Variants in FAM53B observed in about 807,000 individuals in gnomAD.
FAM53B encodes protein FAM53B.
A neutral mutation model predicts 32.7 loss-of-function variants in FAM53B; 12 were observed. The ratio of observed to expected loss-of-function variants is 0.37; its 90% confidence interval spans 0.24 to 0.59. The LOEUF (loss-of-function observed/expected upper bound fraction) is 0.59. Among genes scored for constraint, FAM53B ranks in the 20% least tolerant of loss-of-function variants. The pLI is 0.72. For synonymous variants in FAM53B, 234 were observed against 228.7 expected (o/e 1.02, Z -0.21); for missense variants, 477 against 577.7 (o/e 0.83, Z 1.79).
Position 124,677,908 on chromosome 10 carries a change from G to A in FAM53B, c.906+3699C>T, listed in dbSNP as rs1031606595. 7.9e-5 allele frequency among the ~76,000 whole-genome samples: 12 copies of A among 152,168 alleles called. No individual in the cohort carries two copies. The East Asian group carries it at 1.5e-3, about 19-fold the overall frequency. On this transcript the variant is annotated intron_variant, in intron 4 of 4. Transcript: ENST00000337318. ...ACACACGGCGAACTCCCTCTGACAAGGGGGGGTGAATCCAATTGTCACCAT... is the reference window on the plus strand; with the variant it reads ...ACACACGGCGAACTCCCTCTGACAAAGGGGGGTGAATCCAATTGTCACCAT...
In FAM53B at chr10:124,667,957, G is replaced by C. The variant is rs539824050; in HGVS notation, c.906+13650C>G. On this transcript the variant is annotated intron_variant, in intron 4 of 4. Coordinates refer to ENST00000337318, the MANE Select transcript of FAM53B (RefSeq NM_014661.4). ...CCAGGGAGGGGCAGCGACTTGCTCA[G>C]GGCTACTCGGCTGGTGAGGGGCACA... 2.6e-5 allele frequency among the ~76,000 whole-genome samples: 4 copies of C among 152,270 alleles called. No individual in the cohort carries two copies. The East Asian group carries it at 7.7e-4, about 29-fold the overall frequency.
At chr10:124,631,844 T>C (rs2134038744) in intron 4 of FAM53B, among the ~76,000 whole-genome samples, 1 of 152,292 alleles carries the variant, frequency 6.6e-6, no homozygotes, top group Admixed American at 6.5e-5. Context: ...AACCCGCCTC[T>C]GCAGCAGCCA....
At chr10:124,735,094 C>G (rs1022907837) in intron 1 of FAM53B, among the ~76,000 whole-genome samples, 2 of 152,200 alleles carry the variant, frequency 1.3e-5, no homozygotes, top group African/African-American at 4.8e-5. Flanking sequence ...CCGGAAGACG[C>G]TGACTCCAGG....
chr10:124,709,264 G>A (rs577754504), intron 1 of FAM53B, among the ~76,000 whole-genome samples: 12 of 152,242 alleles, frequency 7.9e-5, no homozygotes, highest in Admixed American at 2.6e-4. Context: ...TGAAACTGTG[G>A]AAGTCTGTCG....
intron 4 of FAM53B, among the ~76,000 whole-genome samples, chr10:124,661,627 AC>A (rs1313527303): frequency 6.6e-6 from 1 of 152,090 alleles, no homozygotes; most frequent in Non-Finnish European, 1.5e-5. Flanking sequence ...GAGGGAAGGG[AC>A]CTTTTACTGT....
rs997985363 is a variant in FAM53B, at chr10:124,622,633, C to T, written c.*609G>A. On this transcript the variant is annotated 3_prime_UTR_variant, in exon 5 of 5. Transcript: ENST00000337318. ...TACCCTCTGGAGGGCCAGTCCAGCA[C>T]CCCAGGGATTCTGTCTCTCACATTG... 1.3e-5 allele frequency: 2 copies of T among 152,550 alleles called. No individual in the cohort carries two copies. Among genetic ancestry groups the T allele is most frequent in the African/African-American group, 4.8e-5 (2 of 41,472 alleles). 9.4% of individuals were successfully genotyped at this position (152,550 alleles called of 1,614,324 possible).
At chr10:124,657,755 C>T (rs1444182745) in intron 4 of FAM53B, among the ~76,000 whole-genome samples, 1 of 152,170 alleles carries the variant, frequency 6.6e-6, no homozygotes. Flanking sequence ...TGCTGTTAGC[C>T]CTGAGCATGA....
rs147354977 is a variant in FAM53B, at chr10:124,695,763, A to G, written c.133+395T>C. Among the ~76,000 whole-genome samples, 82 of 152,364 alleles carry G rather than the reference A, an allele frequency of 5.4e-4. 1 individual carries two copies. In the East Asian group the frequency reaches 0.013, roughly 24 times the overall value. On this transcript the variant is annotated intron_variant, in intron 3 of 4. Transcript: ENST00000337318. Reference sequence around the variant, plus strand: ...CAAACAAATATAGTTTTACATAATTATATGTTCATCGTGGAATGGGCTATA... The same window carrying G: ...CAAACAAATATAGTTTTACATAATTGTATGTTCATCGTGGAATGGGCTATA...
At chr10:124,664,495 C>G (rs1243380583) in intron 4 of FAM53B, among the ~76,000 whole-genome samples, 1 of 152,240 alleles carries the variant, frequency 6.6e-6, no homozygotes, top group East Asian at 1.9e-4. Context: ...CACAATCTGC[C>G]TTTCTACCAG....
chr10:124,737,219 C>G (rs902585707), intron 1 of FAM53B, among the ~76,000 whole-genome samples: 1 of 152,236 alleles, frequency 6.6e-6, no homozygotes, highest in Non-Finnish European at 1.5e-5. Flanking sequence ...CTCCTCTTCT[C>G]CCTTCACTCG....
rs933357851 is a variant in FAM53B, at chr10:124,659,684, G to A, written c.906+21923C>T. Among the ~76,000 whole-genome samples, 8 of 152,230 alleles carry A rather than the reference G, an allele frequency of 5.3e-5. 1 individual carries two copies. The South Asian group carries it at 6.2e-4, about 12-fold the overall frequency. On this transcript the variant is annotated intron_variant, in intron 4 of 4. Coordinates refer to ENST00000337318, the MANE Select transcript of FAM53B (RefSeq NM_014661.4). ...AGAGTGGCTGCAAAACCACCTTGCCGGGCCAAGCTCCATTACCACAAGCTC... is the reference window on the plus strand; with the variant it reads ...AGAGTGGCTGCAAAACCACCTTGCCAGGCCAAGCTCCATTACCACAAGCTC...
chr10:124,657,755 C>A (rs1444182745), intron 4 of FAM53B, among the ~76,000 whole-genome samples: 2 of 152,170 alleles, frequency 1.3e-5, no homozygotes, highest in Non-Finnish European at 2.9e-5. Flanking sequence ...TGCTGTTAGC[C>A]CTGAGCATGA....
intron 4 of FAM53B, among the ~76,000 whole-genome samples, chr10:124,645,445 C>T (rs953516239): frequency 3.9e-5 from 6 of 152,232 alleles, no homozygotes; most frequent in Non-Finnish European, 5.9e-5. Context: ...GGGCCCACGC[C>T]GGCAGCATTC....
At chr10:124,691,518 C>T (rs1258224268) in intron 3 of FAM53B, among the ~76,000 whole-genome samples, 1 of 152,080 alleles carries the variant, frequency 6.6e-6, no homozygotes, top group East Asian at 1.9e-4. Context: ...TTTGTTCTGT[C>T]CATTGACTTG....
intron 4 of FAM53B, among the ~76,000 whole-genome samples, chr10:124,665,706 G>A (rs763306764): frequency 2.5e-4 from 38 of 152,292 alleles, no homozygotes; most frequent in Non-Finnish European, 4.4e-4. Context: ...CCCTTTCCAC[G>A]TTTCTAAGTG....
rs957819513 is a variant in FAM53B, at chr10:124,682,971, T to C, written c.134-592A>G. Among the ~76,000 whole-genome samples the C allele has an allele frequency of 3.8e-4, 58 of 152,240 alleles. No homozygotes were observed. The highest frequency in any genetic ancestry group is 1.4e-3 in the African/African-American group (58 of 41,468). ...TAATAGAAGCTGGAACTTGTACTGA[T>C]TTAGGTCACCTCCGTCAAAATGCTC... On this transcript the variant is annotated intron_variant, in intron 3 of 4. Coordinates refer to ENST00000337318, the MANE Select transcript of FAM53B (RefSeq NM_014661.4). The surrounding 1 kb of genome is among the most constrained non-coding windows in gnomAD (Gnocchi z 5.2).
intron 4 of FAM53B, among the ~76,000 whole-genome samples, chr10:124,626,112 G>A (rs1257883064): frequency 2.0e-5 from 3 of 152,268 alleles, no homozygotes; most frequent in Non-Finnish European, 2.9e-5. Flanking sequence ...GCCCGAACGC[G>A]TGCCAGCGTT....
At chr10:124,633,545 G>A (rs559396060) in intron 4 of FAM53B, among the ~76,000 whole-genome samples, 139 of 152,286 alleles carry the variant, frequency 9.1e-4, no homozygotes, top group African/African-American at 3.2e-3. Flanking sequence ...CATATAATAT[G>A]CCAAAACACA....
Position 124,651,681 on chromosome 10 carries a change from TCCGAC to T in FAM53B, c.907-28082_907-28078del, listed in dbSNP as rs1436245044. 2.0e-5 allele frequency among the ~76,000 whole-genome samples: 3 copies of T among 151,942 alleles called. No homozygotes were observed. The highest frequency in any genetic ancestry group is 7.3e-5 in the African/African-American group (3 of 41,348). ...GCACTGTGGAGACTGTCAGCTGACT[TCCGAC>T]CCTGGGGCCTGCCTGCTCTGGAGGG... On this transcript the variant is annotated intron_variant, in intron 4 of 4. Coordinates refer to ENST00000337318, the MANE Select transcript of FAM53B (RefSeq NM_014661.4). The surrounding 1 kb of genome is among the most constrained non-coding windows in gnomAD (Gnocchi z 5.2).
Sources: gnomAD v4.1 joint callset for allele counts (sites outside exome capture counted in the v4.1 genomes callset) on GRCh38, gnomAD v4.1.1 for gene constraint, Gnocchi (gnomAD v3.1) non-coding constraint, MANE v1.5 for transcripts, NCBI Gene and HGNC (gene_info 2026-07-23, HGNC 2026-07-21) for gene names.